Variants in RBFOX1 observed in about 807,000 individuals in gnomAD.
The protein encoded by RBFOX1 is RNA binding protein fox-1 homolog 1.
Under a neutral mutation model 57.7 loss-of-function variants are expected in RBFOX1, and 8 were observed. The ratio of observed to expected loss-of-function variants is 0.14; its 90% CI spans 0.08 to 0.25. RBFOX1 has a LOEUF of 0.25. Among genes scored for constraint, RBFOX1 ranks in the 10% least tolerant of loss-of-function variants. The pLI is 1.00. For missense variants in RBFOX1, 611 were observed against 548.5 expected (o/e 1.11, Z -1.14); for synonymous variants, 326 against 222.4 (o/e 1.47, Z -4.15).
At chr16:7,174,074 G>C (rs1314570960) in intron 4 of RBFOX1, among the ~76,000 whole-genome samples, 1 of 152,164 alleles carries the variant, frequency 6.6e-6, no homozygotes, top group Non-Finnish European at 1.5e-5. Context: ...GCTGAATGGT[G>C]ATTTAAGCTC....
At chr16:7,006,641 T>C (rs2093318601) in intron 3 of RBFOX1, among the ~76,000 whole-genome samples, 1 of 152,028 alleles carries the variant, frequency 6.6e-6, no homozygotes, top group Non-Finnish European at 1.5e-5. Flanking sequence ...AGAGACAAGG[T>C]CTCCCTGTGA....
chr16:7,373,482 A>G (rs2097613326), intron 4 of RBFOX1, among the ~76,000 whole-genome samples: 1 of 152,138 alleles, frequency 6.6e-6, no homozygotes, highest in African/African-American at 2.4e-5. Context: ...CTCTCCTGGC[A>G]GAATAGATGG....
At chr16:6,559,389 G>C (rs868490819) in intron 2 of RBFOX1, among the ~76,000 whole-genome samples, 6 of 151,874 alleles carry the variant, frequency 4.0e-5, no homozygotes, top group Middle Eastern at 3.4e-3. Flanking sequence ...TACATATATA[G>C]ATATAGATCC....
chr16:6,475,121 A>G (rs1216438223), intron 2 of RBFOX1, among the ~76,000 whole-genome samples: 1 of 152,208 alleles, frequency 6.6e-6, no homozygotes, highest in Non-Finnish European at 1.5e-5. Context: ...TTCCAACAAA[A>G]TAGTACTTGG....
At chr16:6,476,277 C>T (rs1485441436) in intron 2 of RBFOX1, among the ~76,000 whole-genome samples, 1 of 152,066 alleles carries the variant, frequency 6.6e-6, no homozygotes, top group Non-Finnish European at 1.5e-5. Flanking sequence ...CTACAAATAT[C>T]CGTAGAGACA....
intron 4 of RBFOX1, among the ~76,000 whole-genome samples, chr16:5,898,120 G>A (rs1242298542): frequency 6.6e-6 from 1 of 152,096 alleles, no homozygotes; most frequent in Non-Finnish European, 1.5e-5. Flanking sequence ...TTCACATGAT[G>A]GCAGGAAGGA....
At chr16:6,518,310 A>G (rs147848766) in intron 2 of RBFOX1, among the ~76,000 whole-genome samples, 2 of 152,274 alleles carry the variant, frequency 1.3e-5, no homozygotes, top group South Asian at 4.1e-4. Flanking sequence ...GGAAAAAATT[A>G]TTGCAAGATA....
At chr16:6,140,034 C>T (rs7188814) in intron 1 of RBFOX1, among the ~76,000 whole-genome samples, 8,619 of 151,536 alleles carry the variant, frequency 0.057, 329 homozygotes, top group East Asian at 0.18. Context: ...ACCAAATGCT[C>T]TTCTCCCCAC....
At chr16:6,633,549 C>A (rs1378012257) in intron 2 of RBFOX1, among the ~76,000 whole-genome samples, 2 of 152,164 alleles carry the variant, frequency 1.3e-5, no homozygotes, top group African/African-American at 2.4e-5. Flanking sequence ...CCACCTGGGC[C>A]TCCCAATGTG....
intron 2 of RBFOX1, among the ~76,000 whole-genome samples, chr16:6,416,470 C>T (rs577745822): frequency 9.9e-5 from 15 of 152,232 alleles, no homozygotes; most frequent in African/African-American, 3.4e-4. Context: ...TCCTCCTTCT[C>T]CTTGTCTTGT....
chr16:7,704,522 T>A (rs2081809353), intron 14 of RBFOX1, among the ~76,000 whole-genome samples: 1 of 152,142 alleles, frequency 6.6e-6, no homozygotes, highest in South Asian at 2.1e-4. Context: ...CATGAGTGTC[T>A]CTCCCAGGCC....
At chr16:5,825,127 G>A (rs1029588655) in intron 3 of RBFOX1, among the ~76,000 whole-genome samples, 2 of 152,224 alleles carry the variant, frequency 1.3e-5, no homozygotes, top group Non-Finnish European at 2.9e-5. Flanking sequence ...ATGGTTAAGT[G>A]CATGGACTCT....
intron 4 of RBFOX1, among the ~76,000 whole-genome samples, chr16:7,305,866 A>G (rs1022489186): frequency 6.6e-6 from 1 of 152,176 alleles, no homozygotes; most frequent in Admixed American, 6.5e-5. Flanking sequence ...CCAAGAGAGT[A>G]TTGATAACAT....
intron 2 of RBFOX1, among the ~76,000 whole-genome samples, chr16:6,647,736 G>A (rs918309475): frequency 6.6e-6 from 1 of 152,122 alleles, no homozygotes; most frequent in Non-Finnish European, 1.5e-5. Flanking sequence ...GAGGTGTGAT[G>A]TGTTGCATTT....
At chr16:5,377,676 T>A (rs532416147) in intron 1 of RBFOX1, among the ~76,000 whole-genome samples, 1 of 151,394 alleles carries the variant, frequency 6.6e-6, no homozygotes, top group South Asian at 2.1e-4. Context: ...GGAAGTTGAA[T>A]GCGGACCTAG....
intron 3 of RBFOX1, among the ~76,000 whole-genome samples, chr16:5,734,258 G>A (rs2052491509): frequency 6.6e-6 from 1 of 152,036 alleles, no homozygotes; most frequent in African/African-American, 2.4e-5. Context: ...GAGGCTAAGT[G>A]TTAGAGACCT....
chr16:7,701,375 C>T (rs1023068469), intron 14 of RBFOX1, among the ~76,000 whole-genome samples: 2 of 152,194 alleles, frequency 1.3e-5, no homozygotes, highest in African/African-American at 4.8e-5. Flanking sequence ...CTGAGCTCCA[C>T]CTCCTGTCTG....
At chr16:6,961,622 A>G (rs1174674301) in intron 3 of RBFOX1, among the ~76,000 whole-genome samples, 1 of 152,080 alleles carries the variant, frequency 6.6e-6, no homozygotes, top group African/African-American at 2.4e-5. Context: ...TATTATGGTT[A>G]TTTCTTGATT....
chr16:6,842,667 ATTTTAC>A (rs975951936), intron 3 of RBFOX1, among the ~76,000 whole-genome samples: 3 of 115,966 alleles, frequency 2.6e-5, no homozygotes, highest in Admixed American at 8.4e-5. Flanking sequence ...TTTTTTTTTA[ATTTTAC>A]TTCAAGTTCT....
Sources: allele counts gnomAD v4.1 joint callset (sites outside exome capture counted in the v4.1 genomes callset), GRCh38; gene constraint gnomAD v4.1.1; transcripts MANE v1.5; gene names NCBI Gene and HGNC (gene_info 2026-07-23, HGNC 2026-07-21).